Variants in RORA observed in about 807,000 individuals in gnomAD.
The protein encoded by RORA is RAR related orphan receptor A, also known as nuclear receptor ROR-alpha.
In RORA, 7 loss-of-function variants were observed where a neutral mutation model predicts 69.5. The observed-to-expected ratio is 0.10, with a 90% CI of 0.06 to 0.19. The LOEUF (loss-of-function observed/expected upper bound fraction) is 0.19. Among genes scored for constraint, RORA ranks in the 10% least tolerant of loss-of-function variants. The probability of loss-of-function intolerance (pLI) is 1.00; values close to 1 mark genes in which losing one functional copy is unlikely to be tolerated. For missense variants in RORA, 457 were observed against 663.0 expected, an observed-to-expected ratio of 0.69 and a Z score of 3.41; for synonymous variants, 261 against 240.8, an observed-to-expected ratio of 1.08 and a Z score of -0.78.
intron 1 of RORA, among the ~76,000 whole-genome samples, chr15:60,965,134 C>T (rs1329267702): frequency 6.6e-6 from 1 of 152,186 alleles, no homozygotes; most frequent in Non-Finnish European, 1.5e-5. Flanking sequence ...AAGATACCTT[C>T]TTAGTCCAAC....
chr15:60,775,749 C>T (rs7164773), intron 1 of RORA, among the ~76,000 whole-genome samples: 76,108 of 152,092 alleles, frequency 0.5, 19,224 homozygotes, highest in South Asian at 0.57. Context: ...TGCAGATTCA[C>T]GGAGGGCTTA....
intron 1 of RORA, among the ~76,000 whole-genome samples, chr15:60,947,707 A>AAAAAAAAAAAC (rs1566921222): frequency 6.9e-6 from 1 of 144,988 alleles, no homozygotes; most frequent in African/African-American, 2.5e-5. Flanking sequence ...AAAAAAAAAA[A>AAAAAAAAAAAC]AAAATGAAAC....
At chr15:61,007,461 T>C (rs982536159) in intron 1 of RORA, among the ~76,000 whole-genome samples, 4 of 152,140 alleles carry the variant, frequency 2.6e-5, no homozygotes, top group African/African-American at 4.8e-5. Context: ...ATATTTCTAA[T>C]AGACATTAAC....
At chr15:60,851,205 A>T (rs2073320946) in intron 1 of RORA, among the ~76,000 whole-genome samples, 1 of 152,194 alleles carries the variant, frequency 6.6e-6, no homozygotes, top group African/African-American at 2.4e-5. Context: ...ACATGGCTAC[A>T]CGGCAATTTA....
At chr15:60,925,035 G>A (rs1390301203) in intron 1 of RORA, among the ~76,000 whole-genome samples, 1 of 151,224 alleles carries the variant, frequency 6.6e-6, no homozygotes, top group Non-Finnish European at 1.5e-5. Flanking sequence ...GCTGAGATTG[G>A]GTCACTGCAT....
chr15:60,979,989 G>A lies in RORA; in HGVS notation c.166+249064C>T, dbSNP rs552976691. Among the ~76,000 whole-genome samples the A allele has an allele frequency of 9.5e-4, 145 of 152,282 alleles. No individual in the cohort carries two copies. The South Asian group carries it at 0.029, about 31-fold the overall frequency. ...CAGGGAAAGCTTCCAGTCTTTCACA[G>A]TTAAGTATGATGTTAGCTGTGGGTT... On this transcript the variant is annotated intron_variant, in intron 1 of 10. Coordinates refer to ENST00000335670, the MANE Select transcript of RORA (RefSeq NM_134261.3).
intron 1 of RORA, among the ~76,000 whole-genome samples, chr15:60,803,106 A>C (rs775908646): frequency 1.3e-5 from 2 of 152,176 alleles, no homozygotes; most frequent in East Asian, 1.9e-4. Context: ...TTCTCTATTC[A>C]TTTCCAAACC....
intron 1 of RORA, among the ~76,000 whole-genome samples, chr15:60,916,519 G>A (rs1171849384): frequency 2.0e-5 from 3 of 152,224 alleles, no homozygotes; most frequent in South Asian, 2.1e-4. Flanking sequence ...CCTTTGCCCC[G>A]AAATATGCCA....
At chr15:60,654,604 A>C (rs1278077154) in intron 2 of RORA, among the ~76,000 whole-genome samples, 1 of 152,194 alleles carries the variant, frequency 6.6e-6, no homozygotes, top group Non-Finnish European at 1.5e-5. Flanking sequence ...TTTAGGCAAA[A>C]GGGACTTTGC....
At chr15:61,021,605 C>A (rs977729099) in intron 1 of RORA, among the ~76,000 whole-genome samples, 1 of 152,234 alleles carries the variant, frequency 6.6e-6, no homozygotes, top group Non-Finnish European at 1.5e-5. Flanking sequence ...AACAACACTG[C>A]CTCTCAAGGA....
chr15:61,049,486 T>C (rs369675903), intron 1 of RORA, among the ~76,000 whole-genome samples: 8 of 152,074 alleles, frequency 5.3e-5, no homozygotes, highest in African/African-American at 1.2e-4. Context: ...AAAAATACAG[T>C]AGGTGGACTT....
At chr15:61,228,315 G>T (rs1351422019) in intron 1 of RORA, among the ~76,000 whole-genome samples, 1 of 151,754 alleles carries the variant, frequency 6.6e-6, no homozygotes, top group South Asian at 2.1e-4. Flanking sequence ...TGGGCGCCGG[G>T]CTCCGAACCC....
chr15:61,024,102 C>T (rs1490646216), intron 1 of RORA, among the ~76,000 whole-genome samples: 2 of 151,856 alleles, frequency 1.3e-5, no homozygotes, highest in Admixed American at 1.3e-4. Context: ...TGCACAACAC[C>T]AAGAGAGAGA....
At chr15:60,617,869 G>T (rs61684081) in intron 2 of RORA, among the ~76,000 whole-genome samples, 1 of 152,294 alleles carries the variant, frequency 6.6e-6, no homozygotes, top group East Asian at 1.9e-4. Flanking sequence ...TCCAGAGGCT[G>T]GGCCTGGCTA....
chr15:60,836,891 C>T (rs1228896121), intron 1 of RORA, among the ~76,000 whole-genome samples: 1 of 152,194 alleles, frequency 6.6e-6, no homozygotes. Flanking sequence ...TTGCTTTACT[C>T]TTAGGCACCA....
rs1165259060 is a variant in RORA, at chr15:60,542,668, TGGCACACGGGCACACCTCCCACACAC to T, written c.197-10843_197-10818del. Among the ~76,000 whole-genome samples the T allele has an allele frequency of 1.8e-3, 148 of 80,350 alleles. 3 individuals carry two copies. The highest frequency in any genetic ancestry group is 3.5e-3 in the South Asian group (9 of 2,550). The allele number at this position is 80,350 out of a possible 152,430, so 52.7% of individuals were successfully genotyped here. The stretch of plus-strand genomic sequence containing the variant: ...GACACACGGGCACACCTCACACACA[TGGCACACGGGCACACCTCCCACACAC>T]GGCACACGGGCACACCTCCCACACA... On this transcript the variant is annotated intron_variant, in intron 2 of 10. Coordinates refer to ENST00000335670, the MANE Select transcript of RORA (RefSeq NM_134261.3).
chr15:60,990,215 T>C (rs1271149170), intron 1 of RORA, among the ~76,000 whole-genome samples: 1 of 152,208 alleles, frequency 6.6e-6, no homozygotes, highest in Admixed American at 6.5e-5. Context: ...TCAGAGGGCT[T>C]AATGAGATAA....
chr15:61,028,276 C>G (rs774294585), intron 1 of RORA, among the ~76,000 whole-genome samples: 14 of 152,122 alleles, frequency 9.2e-5, no homozygotes, highest in African/African-American at 3.4e-4. Flanking sequence ...TAAAGGCATG[C>G]TGGGGGCATG....
At chr15:61,200,258 G>A (rs1050674515) in intron 1 of RORA, among the ~76,000 whole-genome samples, 3 of 152,170 alleles carry the variant, frequency 2.0e-5, no homozygotes, top group East Asian at 1.9e-4. Context: ...AAGCTATATG[G>A]GGCTTCACGA....
Sources: allele counts gnomAD v4.1 joint callset (sites outside exome capture counted in the v4.1 genomes callset), GRCh38; gene constraint gnomAD v4.1.1; transcripts MANE v1.5; gene names NCBI Gene and HGNC (gene_info 2026-07-23, HGNC 2026-07-21).